CNTN6: variants seen among roughly 807,000 people sequenced by gnomAD.
CNTN6 encodes the protein contactin-6.
A neutral mutation model predicts 122.8 loss-of-function variants in CNTN6; 137 were observed. That is an observed-to-expected ratio of 1.12 (90% CI 0.97 to 1.29). CNTN6 has a LOEUF of 1.29. Ranked by LOEUF, CNTN6 falls within the 50% of genes most tolerant of loss-of-function variation. CNTN6 has a pLI of 0.00. For missense variants in CNTN6, 1,634 were observed against 1,223.4 expected (o/e 1.34, Z -5.01); for synonymous variants, 570 against 426.0 (o/e 1.34, Z -4.16).
At chr3:1,158,969 C>CACACACACACACATATATATAT (rs1553610778) in intron 2 of CNTN6, among the ~76,000 whole-genome samples, 2 of 112,964 alleles carry the variant, frequency 1.8e-5, no homozygotes, top group African/African-American at 7.6e-5. Flanking sequence ...CACACACACA[C>CACACACACACACATATATATAT]ATATATATAT....
intron 4 of CNTN6, among the ~76,000 whole-genome samples, chr3:1,229,294 AAAG>A (rs2094324662): frequency 6.6e-6 from 1 of 152,198 alleles, no homozygotes; most frequent in Non-Finnish European, 1.5e-5. Flanking sequence ...TTATAGAAAT[AAAG>A]AATTGTTCCA....
rs563639748 is a variant in CNTN6 at position 1,382,399 on chromosome 3, CAT to C, written c.2167-542_2167-541del. Among the ~76,000 whole-genome samples, 1,085 of 152,270 alleles carry C rather than the reference CAT, an allele frequency of 7.1e-3. 4 individuals are homozygous for C. The highest frequency in any genetic ancestry group is 0.012 in the Non-Finnish European group (837 of 68,024). On this transcript the variant is annotated intron_variant, in intron 17 of 22. Coordinates refer to ENST00000446702, the MANE Select transcript of CNTN6 (RefSeq NM_001289080.2). Reference sequence around the variant, plus strand: ...TCTTTCATGTGAGGAAAAATGCACACATGTCACTACCAATGAAGATGTATGCC... The same window carrying C: ...TCTTTCATGTGAGGAAAAATGCACACGTCACTACCAATGAAGATGTATGCC...
chr3:1,219,479 T>TTTTTTATTATTA (rs1365205135), intron 2 of CNTN6, among the ~76,000 whole-genome samples: 1 of 152,226 alleles, frequency 6.6e-6, no homozygotes, highest in Non-Finnish European at 1.5e-5. Context: ...AAAGCCAATT[T>TTTTTTATTATTA]TTACTGCTTT....
At chr3:1,350,983 C>T (rs568580608) in intron 11 of CNTN6, among the ~76,000 whole-genome samples, 1 of 151,802 alleles carries the variant, frequency 6.6e-6, no homozygotes, top group South Asian at 2.1e-4. Flanking sequence ...ATCTAGTACA[C>T]TAGACATCTC....
chr3:1,266,199 C>G (rs1161530790), intron 4 of CNTN6, among the ~76,000 whole-genome samples: 2 of 152,102 alleles, frequency 1.3e-5, no homozygotes, highest in African/African-American at 2.4e-5. Flanking sequence ...CTCTTTCCCT[C>G]CCTCCCTTTA....
intron 1 of CNTN6, among the ~76,000 whole-genome samples, chr3:1,110,683 T>A (rs939622194): frequency 4.6e-5 from 7 of 152,032 alleles, no homozygotes; most frequent in South Asian, 4.2e-4. Flanking sequence ...AAGTCAGTAC[T>A]TTGAAAAAAA....
chr3:1,168,983 G>C (rs2093311839), intron 2 of CNTN6, among the ~76,000 whole-genome samples: 1 of 152,084 alleles, frequency 6.6e-6, no homozygotes, highest in African/African-American at 2.4e-5. Flanking sequence ...TGTTTAAAAA[G>C]GCGTATTCCT....
chr3:1,125,059 A>C (rs1393602003), intron 1 of CNTN6, among the ~76,000 whole-genome samples: 1 of 151,948 alleles, frequency 6.6e-6, no homozygotes, highest in Non-Finnish European at 1.5e-5. Flanking sequence ...AATCAGCCTA[A>C]ATTTTTCTGT....
intron 2 of CNTN6, among the ~76,000 whole-genome samples, chr3:1,201,097 TTTTGTG>T (rs67812079): frequency 0.085 from 9,530 of 112,674 alleles, 359 homozygotes; most frequent in Non-Finnish European, 0.11. Flanking sequence ...CCAGCTAACA[TTTTGTG>T]TGTGTGTGTG....
Position 1,394,323 on chromosome 3 carries a change from C to T in CNTN6, c.2705-7110C>T, listed in dbSNP as rs28459935. 1,229 of 179,814 alleles carry T rather than the reference C, an allele frequency of 6.8e-3. 17 individuals carry two copies. The highest frequency in any genetic ancestry group is 0.028 in the African/African-American group (1,161 of 41,836). The allele number at this position is 179,814 out of a possible 1,614,324, so 11.1% of individuals were successfully genotyped here. The stretch of plus-strand genomic sequence containing the variant: ...CCCCCGAAACAGGGCTCCACTGGAG[C>T]TGGAGCTGGTGGGTGTAGGCCAAAC... On this transcript the variant is annotated intron_variant, in intron 20 of 22. Coordinates refer to ENST00000446702, the MANE Select transcript of CNTN6 (RefSeq NM_001289080.2).
At chr3:1,342,719 G>A (rs1704082514) in intron 11 of CNTN6, among the ~76,000 whole-genome samples, 1 of 151,962 alleles carries the variant, frequency 6.6e-6, no homozygotes, top group South Asian at 2.1e-4. Flanking sequence ...ACCAAACGGG[G>A]TCTATATTGT....
Position 1,402,261 on chromosome 3 carries a change from G to A in CNTN6, c.2818-57G>A, listed in dbSNP as rs767544334. On this transcript the variant is annotated intron_variant, in intron 21 of 22. Coordinates refer to ENST00000446702, the MANE Select transcript of CNTN6 (RefSeq NM_001289080.2). ...TGTCTTACAGTGTTCCAGAACAGTT[G>A]TGTGAACCTTAGAAAAGCAACATGT... 82 of 1,413,160 alleles carry A rather than the reference G, an allele frequency of 5.8e-5. 1 individual carries two copies. The highest frequency in any genetic ancestry group is 7.3e-5 in the Non-Finnish European group (74 of 1,018,396). 87.5% of individuals were successfully genotyped at this position (1,413,160 alleles called of 1,614,324 possible). A position where few individuals can be genotyped will look rare whatever the true frequency, so the allele number is the denominator to read the frequency against.
intron 4 of CNTN6, among the ~76,000 whole-genome samples, chr3:1,236,554 A>G (rs1167320958): frequency 6.6e-6 from 1 of 152,108 alleles, no homozygotes; most frequent in Non-Finnish European, 1.5e-5. Flanking sequence ...ACAAGGGAGC[A>G]CCCCATGGGA....
At chr3:1,347,658 C>A (rs1432986676) in intron 11 of CNTN6, among the ~76,000 whole-genome samples, 1 of 151,938 alleles carries the variant, frequency 6.6e-6, no homozygotes, top group African/African-American at 2.4e-5. Context: ...TAACTGGAGT[C>A]TTGGAAGAGA....
Position 1,372,316 on chromosome 3 carries a change from G to A in CNTN6, c.1510G>A (p.Val504Ile), listed in dbSNP as rs368850185. 2.1e-5 allele frequency: 33 copies of A among 1,607,756 alleles called. No individual in the cohort carries two copies. The highest frequency in any genetic ancestry group is 1.7e-4 in the Middle Eastern group (1 of 6,056). Residue 504 changes from valine to isoleucine, a missense_variant, in exon 13 of 23, where the codon GTC (valine) becomes ATC (isoleucine). Physicochemically the swap from Val to Ile is conservative, Grantham distance 29 (BLOSUM62 3). Transcript: ENST00000446702. ...CTCAACAGAGAGAACTGTCATTACC[G>A]TCCCACCTTCCAAAATGGATGTTAC... Reference protein sequence around the residue: ...LIVKERTVITVPPSKMDVTVG... With the variant: ...LIVKERTVITIPPSKMDVTVG...
chr3:1,098,740 T>A (rs2090671215), intron 1 of CNTN6, among the ~76,000 whole-genome samples: 1 of 140,948 alleles, frequency 7.1e-6, no homozygotes, highest in African/African-American at 2.6e-5. Flanking sequence ...AGTCTTTGAA[T>A]TCTTTTGGCA....
At chr3:1,242,928 C>T (rs988786923) in intron 4 of CNTN6, among the ~76,000 whole-genome samples, 10 of 151,948 alleles carry the variant, frequency 6.6e-5, no homozygotes, top group African/African-American at 2.2e-4. Context: ...GAAACAGGCC[C>T]TTGAAAAGAA....
At chr3:1,384,713 C>A (rs556335273) in intron 19 of CNTN6, among the ~76,000 whole-genome samples, 5 of 131,898 alleles carry the variant, frequency 3.8e-5, no homozygotes, top group Middle Eastern at 3.6e-3. Flanking sequence ...TATACATATA[C>A]ATACTATATA....
intron 16 of CNTN6, 80 bp downstream of exon 16, chr3:1,374,153 T>C: frequency 7.0e-7 from 1 of 1,423,218 alleles, no homozygotes; most frequent in East Asian, 2.5e-5. Context: ...TTTTTATGTG[T>C]CTTCTAATAC....
Sources: allele counts gnomAD v4.1 joint callset (sites outside exome capture counted in the v4.1 genomes callset), GRCh38; gene constraint gnomAD v4.1.1; transcripts MANE v1.5; gene names NCBI Gene and HGNC (gene_info 2026-07-23, HGNC 2026-07-21).